The following LPCAT1 variants were observed in gnomAD, a reference collection of about 807,000 sequenced individuals.
The protein encoded by LPCAT1 is 1-acylglycerol-3-phosphate O-acyltransferase.
LPCAT1 carries 23 observed loss-of-function variants against 60.9 expected under a neutral mutation model. The observed-to-expected ratio is 0.38, with a 90% CI of 0.27 to 0.53. The LOEUF is 0.53. Ranked by LOEUF, LPCAT1 falls within the 20% of genes least tolerant of loss-of-function variation. The probability of loss-of-function intolerance (pLI) is 0.82; values close to 1 mark genes in which losing one functional copy is unlikely to be tolerated. For synonymous variants in LPCAT1, 340 were observed against 301.1 expected (o/e 1.13, Z -1.34); for missense variants, 622 against 723.6 (o/e 0.86, Z 1.61).
intron 1 of LPCAT1, among the ~76,000 whole-genome samples, chr5:1,520,860 CAAAAAAAA>C (rs59074953): frequency 1.7e-4 from 14 of 82,044 alleles, no homozygotes; most frequent in African/African-American, 6.9e-4. Context: ...GAGACTGTCT[CAAAAAAAA>C]AAAAAAAAAA....
chr5:1,513,266 G>A (rs571469896), intron 1 of LPCAT1, among the ~76,000 whole-genome samples: 39 of 152,268 alleles, frequency 2.6e-4, no homozygotes, highest in African/African-American at 8.9e-4. Context: ...AAGGGTTTGG[G>A]ACACCCAGCC....
At chr5:1,506,593 G>A (rs1736194406) in intron 1 of LPCAT1, among the ~76,000 whole-genome samples, 1 of 152,256 alleles carries the variant, frequency 6.6e-6, no homozygotes, top group Non-Finnish European at 1.5e-5. Flanking sequence ...GGCTGGGGCA[G>A]CTGCGGCAGC....
At position 1,521,027 on chromosome 5, in the gene LPCAT1, G is replaced by A. The variant is rs1384570488; in HGVS notation, c.135+2683C>T. On this transcript the variant is annotated intron_variant, in intron 1 of 13. Transcript: ENST00000283415. This position sits in a 1 kb window ranked among gnomAD's most constrained non-coding sequence, Gnocchi z 4.3. ...TGACTCCAAAACGATATATGAATGTGTGACTATGAAGAACCTCAGCTGAAC... is the reference window on the plus strand; with the variant it reads ...TGACTCCAAAACGATATATGAATGTATGACTATGAAGAACCTCAGCTGAAC... 6.6e-6 allele frequency among the ~76,000 whole-genome samples: 1 copy of A among 152,084 alleles called. No homozygotes were observed. The highest frequency in any genetic ancestry group is 1.9e-4 in the East Asian group (1 of 5,194).
chr5:1,519,476 GTCATTCGGAAAAT>G (rs1357605296), intron 1 of LPCAT1, among the ~76,000 whole-genome samples: 24 of 152,238 alleles, frequency 1.6e-4, no homozygotes, highest in Admixed American at 7.8e-4. Flanking sequence ...TCACGAGTGC[GTCATTCGGAAAAT>G]TCATTCGGAA....
In LPCAT1 at chr5:1,523,109, G is replaced by C. The variant is rs1399490154; in HGVS notation, c.135+601C>G. ...AGGCAACGTGCGGCCGCAGAGCAGG[G>C]AGACCCGTGCGCCTACAGGGGACCC... On this transcript the variant is annotated intron_variant, in intron 1 of 13. Coordinates refer to ENST00000283415, the MANE Select transcript of LPCAT1 (RefSeq NM_024830.5). The surrounding 1 kb of genome is among the most constrained non-coding windows in gnomAD (Gnocchi z 7.1). 1.3e-5 allele frequency among the ~76,000 whole-genome samples: 2 copies of C among 152,238 alleles called. No homozygotes were observed. The highest frequency in any genetic ancestry group is 4.8e-5 in the African/African-American group (2 of 41,474).
At chr5:1,472,305 G>A (rs1258866335) in intron 11 of LPCAT1, among the ~76,000 whole-genome samples, 3 of 152,130 alleles carry the variant, frequency 2.0e-5, no homozygotes, top group Admixed American at 6.5e-5. Context: ...GCCCCTCTAC[G>A]CTTGTGTCAA....
At chr5:1,507,665 C>T (rs151333931) in intron 1 of LPCAT1, among the ~76,000 whole-genome samples, 14 of 152,322 alleles carry the variant, frequency 9.2e-5, no homozygotes, top group East Asian at 1.9e-4. Flanking sequence ...GAGCACGGCG[C>T]GGCCCAAATC....
rs1351400116 is a variant in LPCAT1, at chr5:1,522,344, G to A, written c.135+1366C>T. On this transcript the variant is annotated intron_variant, in intron 1 of 13. Coordinates refer to ENST00000283415, the MANE Select transcript of LPCAT1 (RefSeq NM_024830.5). The surrounding 1 kb of genome is among the most constrained non-coding windows in gnomAD (Gnocchi z 6.8). ...CGTGTCCCAAGTCCTCCTTTGAGGG[G>A]CACAGCACACGGCAGCTGACAGCGT... 6.6e-6 allele frequency among the ~76,000 whole-genome samples: 1 copy of A among 152,150 alleles called. No homozygotes were observed. The highest frequency in any genetic ancestry group is 1.9e-4 in the East Asian group (1 of 5,182).
chr5:1,482,909 CA>C (rs1175681556), intron 6 of LPCAT1, among the ~76,000 whole-genome samples: 1 of 152,226 alleles, frequency 6.6e-6, no homozygotes, highest in Admixed American at 6.5e-5. Flanking sequence ...TCTCTTAAAC[CA>C]AACAAAACCT....
At chr5:1,497,817 T>G (rs1735848440) in intron 2 of LPCAT1, among the ~76,000 whole-genome samples, 1 of 152,096 alleles carries the variant, frequency 6.6e-6, no homozygotes, top group Non-Finnish European at 1.5e-5. Flanking sequence ...GGAACAGGTG[T>G]TCCCACACAG....
In LPCAT1 at chr5:1,496,941, T is replaced by C. The variant is rs978615972; in HGVS notation, c.279-2027A>G. ...GAATCAGGAGACAGATCTATCTGCA[T>C]ACACAGGAGCGGGGATCTCCATCAG... On this transcript the variant is annotated intron_variant, in intron 2 of 13. Coordinates refer to ENST00000283415, the MANE Select transcript of LPCAT1 (RefSeq NM_024830.5). This position sits in a 1 kb window ranked among gnomAD's most constrained non-coding sequence, Gnocchi z 4.7. Among the ~76,000 whole-genome samples, 7 of 152,060 alleles carry C rather than the reference T, an allele frequency of 4.6e-5. No individual in the cohort carries two copies. The highest frequency in any genetic ancestry group is 1.3e-4 in the Admixed American group (2 of 15,282).
intron 1 of LPCAT1, among the ~76,000 whole-genome samples, chr5:1,514,599 G>T (rs939228332): frequency 6.6e-6 from 1 of 152,172 alleles, no homozygotes; most frequent in Non-Finnish European, 1.5e-5. Context: ...TAATTCCGAG[G>T]TTGGGAATGC....
intron 13 of LPCAT1, among the ~76,000 whole-genome samples, chr5:1,465,535 C>G (rs922659174): frequency 6.6e-6 from 1 of 150,712 alleles, no homozygotes; most frequent in African/African-American, 2.4e-5. Flanking sequence ...AACAAGCACA[C>G]GCACACAGCA....
chr5:1,472,110 A>G (rs950880910), intron 11 of LPCAT1, among the ~76,000 whole-genome samples: 6 of 84,478 alleles, frequency 7.1e-5, no homozygotes, highest in Admixed American at 2.3e-4. Flanking sequence ...GATAATGAGC[A>G]CCCAGGATGG....
intron 1 of LPCAT1, among the ~76,000 whole-genome samples, chr5:1,518,442 G>A (rs932395686): frequency 2.6e-5 from 4 of 152,204 alleles, no homozygotes; most frequent in African/African-American, 9.7e-5. Flanking sequence ...CTGGGTTCAC[G>A]CCATTCTCCT....
At chr5:1,518,857 G>A (rs1219555774) in intron 1 of LPCAT1, among the ~76,000 whole-genome samples, 3 of 152,218 alleles carry the variant, frequency 2.0e-5, no homozygotes, top group Non-Finnish European at 2.9e-5. Flanking sequence ...CCGGAGCCAC[G>A]ACCACAGGCA....
intron 13 of LPCAT1, among the ~76,000 whole-genome samples, 189 bp downstream of exon 13, chr5:1,466,560 T>A (rs1734413297): frequency 6.6e-6 from 1 of 152,118 alleles, no homozygotes; most frequent in Non-Finnish European, 1.5e-5. Context: ...ATTGGAAAGC[T>A]CCCTACGAAC....
rs1338699246 is a variant in LPCAT1, at chr5:1,481,590, G to A, written c.727-614C>T. The stretch of plus-strand genomic sequence containing the variant: ...GACCTTCTGCTCCCCTGACGGCTAA[G>A]CTAGTGCTTCTTGGTGCATCCAGTA... On this transcript the variant is annotated intron_variant, in intron 6 of 13. Coordinates refer to ENST00000283415, the MANE Select transcript of LPCAT1 (RefSeq NM_024830.5). This position sits in a 1 kb window ranked among gnomAD's most constrained non-coding sequence, Gnocchi z 7.8. Among the ~76,000 whole-genome samples the A allele has an allele frequency of 6.6e-6, 1 of 152,288 alleles. No homozygotes were observed. The highest frequency in any genetic ancestry group is 1.5e-5 in the Non-Finnish European group (1 of 68,054).
rs759902582 is a variant in LPCAT1 at position 1,463,678 on chromosome 5, C to T, written c.1578G>A (p.Arg526=). ...DFSPENSDAG[R]KPVRKKLD ...AATCCAGCTTCTTGCGAACAGGCTTCCGCCCAGCGTCTGAGTTTTCCGGGC... is the reference window on the plus strand; with the variant it reads ...AATCCAGCTTCTTGCGAACAGGCTTTCGCCCAGCGTCTGAGTTTTCCGGGC... Residue 526 remains arginine (R), a synonymous_variant, in exon 14 of 14, where the codon CGG becomes CGA. Transcript: ENST00000283415. The T allele has an allele frequency of 1.2e-6, 2 of 1,614,182 alleles. No homozygotes were observed. Among genetic ancestry groups the T allele is most frequent in the Non-Finnish European group, 1.7e-6 (2 of 1,180,030 alleles).
Sources: gnomAD v4.1 joint callset for allele counts (sites outside exome capture counted in the v4.1 genomes callset) on GRCh38, gnomAD v4.1.1 for gene constraint, Gnocchi (gnomAD v3.1) non-coding constraint, MANE v1.5 for transcripts, NCBI Gene and HGNC (gene_info 2026-07-23, HGNC 2026-07-21) for gene names.